Variants in AP3B1 observed in about 807,000 individuals in gnomAD.
AP3B1 encodes adaptor related protein complex 3 subunit beta 1.
A neutral mutation model predicts 132.5 loss-of-function variants in AP3B1; 61 were observed. The ratio of observed to expected loss-of-function variants is 0.46; its 90% CI spans 0.37 to 0.57. The LOEUF is 0.57. AP3B1 is among the 20% of genes least tolerant of loss of function. The probability of loss-of-function intolerance (pLI) is 0.00; values close to 1 mark genes in which losing one functional copy is unlikely to be tolerated. For missense variants in AP3B1, 1,120 were observed against 1,289.4 expected (o/e 0.87, Z 2.01); for synonymous variants, 388 against 438.3 (o/e 0.89, Z 1.43).
intron 24 of AP3B1, among the ~76,000 whole-genome samples, chr5:78,022,014 T>G (rs1486964422): frequency 3.3e-5 from 5 of 152,188 alleles, no homozygotes; most frequent in Admixed American, 2.0e-4. Context: ...TAAGAAACAC[T>G]TGAATTTATT....
rs1407912114 is a variant in AP3B1 at position 78,227,386 on chromosome 5, T to A, written c.522A>T (p.Ile174=). 5 of 1,613,580 alleles carry A rather than the reference T, an allele frequency of 3.1e-6. No homozygotes were observed. The highest frequency in any genetic ancestry group is 4.2e-6 in the Non-Finnish European group (5 of 1,179,660). ...PYVRKNAAHA[I]QKLYSLDPEQ... is the part of the protein sequence containing the mutation. ...AATGCACCTACCTGTATAATTTTTGTATTGCATGGGCTGCATTCTTCCTAA... is the reference window on the plus strand; with the variant it reads ...AATGCACCTACCTGTATAATTTTTGAATTGCATGGGCTGCATTCTTCCTAA... The change falls in exon 5 of 27, where the codon ATA becomes ATT. Residue 174 remains isoleucine (I), a synonymous_variant. Coordinates refer to ENST00000255194, the MANE Select transcript of AP3B1 (RefSeq NM_003664.5).
At chr5:78,056,474 A>C (rs1424413158) in intron 22 of AP3B1, among the ~76,000 whole-genome samples, 1 of 152,234 alleles carries the variant, frequency 6.6e-6, no homozygotes, top group Non-Finnish European at 1.5e-5. Context: ...CTGTCAGATA[A>C]CGCAGGGTCC....
chr5:78,098,621 C>T (rs935223527), intron 21 of AP3B1, among the ~76,000 whole-genome samples: 4 of 152,180 alleles, frequency 2.6e-5, no homozygotes, highest in Non-Finnish European at 5.9e-5. Flanking sequence ...AAGTCTTATT[C>T]TTGTCTGTTC....
chr5:78,216,288 CA>C (rs1745959084), intron 6 of AP3B1, 51 bp from the exon 7 acceptor site: 1 of 1,536,258 alleles, frequency 6.5e-7, no homozygotes, highest in East Asian at 2.4e-5. Flanking sequence ...TCCCCTACAT[CA>C]AAGGTCTTAC....
At chr5:78,209,817 T>C (rs2112466526) in intron 7 of AP3B1, among the ~76,000 whole-genome samples, 3 of 152,328 alleles carry the variant, frequency 2.0e-5, no homozygotes, top group Admixed American at 2.0e-4. Context: ...TGTAGTACTA[T>C]TCATTTTCTT....
intron 3 of AP3B1, 56 bp from the exon 4 acceptor site, chr5:78,228,295 T>C (rs1366810038): frequency 1.2e-5 from 15 of 1,229,532 alleles, no homozygotes; most frequent in African/African-American, 3.0e-5. Flanking sequence ...AACTCAGTAT[T>C]TGCTATACCA....
intron 1 of AP3B1, among the ~76,000 whole-genome samples, chr5:78,269,182 A>G (rs1748450658): frequency 6.7e-6 from 1 of 149,824 alleles, no homozygotes; most frequent in Non-Finnish European, 1.5e-5. Context: ...AATTAGCAAT[A>G]TTTTCCTCAA....
chr5:78,241,029 C>T, intron 2 of AP3B1, 93 bp from the exon 3 acceptor site: 1 of 880,816 alleles, frequency 1.1e-6, no homozygotes, highest in South Asian at 1.5e-5. Context: ...TAATTAACCG[C>T]TGAACTCTTT....
At chr5:78,108,746 C>T (rs1751448881) in intron 20 of AP3B1, among the ~76,000 whole-genome samples, 1 of 152,056 alleles carries the variant, frequency 6.6e-6, no homozygotes, top group Admixed American at 6.6e-5. Context: ...CCTGGAGTGC[C>T]CCTGTGGTTT....
At chr5:78,060,185 A>C (rs1211041731) in intron 22 of AP3B1, among the ~76,000 whole-genome samples, 1 of 152,226 alleles carries the variant, frequency 6.6e-6, no homozygotes, top group African/African-American at 2.4e-5. Context: ...AGATGTTTAT[A>C]AAAGTTATAC....
At chr5:78,197,175 T>C (rs1050338325) in intron 7 of AP3B1, among the ~76,000 whole-genome samples, 1 of 152,094 alleles carries the variant, frequency 6.6e-6, no homozygotes, top group East Asian at 1.9e-4. Flanking sequence ...CTCCAAAAAA[T>C]AAAGCTTATT....
At chr5:78,154,965 T>C (rs1401384006) in intron 14 of AP3B1, among the ~76,000 whole-genome samples, 1 of 152,186 alleles carries the variant, frequency 6.6e-6, no homozygotes, top group Non-Finnish European at 1.5e-5. Context: ...ACGCCTTATG[T>C]AGTTTGTTTG....
intron 11 of AP3B1, among the ~76,000 whole-genome samples, chr5:78,174,184 G>A (rs562846172): frequency 1.8e-4 from 27 of 152,208 alleles, no homozygotes; most frequent in African/African-American, 5.8e-4. Context: ...GCCTACTTCC[G>A]TCAACTCATC....
At chr5:78,098,137 A>G (rs1750969472) in intron 21 of AP3B1, among the ~76,000 whole-genome samples, 2 of 151,086 alleles carry the variant, frequency 1.3e-5, no homozygotes, top group Admixed American at 6.6e-5. Context: ...GGGGACACAA[A>G]CACTGCGGAA....
intron 22 of AP3B1, among the ~76,000 whole-genome samples, chr5:78,052,805 T>G (rs375770852): frequency 6.6e-6 from 1 of 152,252 alleles, no homozygotes; most frequent in Admixed American, 6.5e-5. Context: ...ATAATGTCTA[T>G]ATTGTTTTAT....
At chr5:78,174,075 C>A (rs1744040571) in intron 11 of AP3B1, among the ~76,000 whole-genome samples, 1 of 152,106 alleles carries the variant, frequency 6.6e-6, no homozygotes, top group Non-Finnish European at 1.5e-5. Context: ...TTCTAGTTAG[C>A]CATTTGTCTA....
intron 17 of AP3B1, among the ~76,000 whole-genome samples, chr5:78,124,021 A>G (rs965637822): frequency 6.6e-6 from 1 of 152,250 alleles, no homozygotes; most frequent in African/African-American, 2.4e-5. Context: ...TGCAGCCATA[A>G]AAAATGATGA....
intron 22 of AP3B1, among the ~76,000 whole-genome samples, chr5:78,075,436 C>A (rs1749728215): frequency 6.6e-6 from 1 of 152,096 alleles, no homozygotes; most frequent in Admixed American, 6.5e-5. Context: ...AAGGAAAGGC[C>A]TGATAAGAGT....
At chr5:78,128,469 T>C (rs932241558) in intron 16 of AP3B1, among the ~76,000 whole-genome samples, 25 of 152,150 alleles carry the variant, frequency 1.6e-4, no homozygotes, top group Non-Finnish European at 3.5e-4. Flanking sequence ...TCCATATACA[T>C]GTCTTGGCAC....
Sources: allele counts gnomAD v4.1 joint callset (sites outside exome capture counted in the v4.1 genomes callset), GRCh38; gene constraint gnomAD v4.1.1; transcripts MANE v1.5; gene names NCBI Gene and HGNC (gene_info 2026-07-23, HGNC 2026-07-21).